ABCD2: variants seen among roughly 807,000 people sequenced by gnomAD.
The protein encoded by ABCD2 is ATP binding cassette subfamily D member 2, also known as ATP-binding cassette sub-family D member 2.
In ABCD2, 36 loss-of-function variants were observed where a neutral mutation model predicts 70.9. That is an observed-to-expected ratio of 0.51 (90% CI 0.39 to 0.67). The LOEUF is 0.67. ABCD2 is among the 30% of genes least tolerant of loss of function. ABCD2 has a pLI of 0.00. For missense variants in ABCD2, 729 were observed against 890.2 expected (o/e 0.82, Z 2.30); for synonymous variants, 304 against 306.9 (o/e 0.99, Z 0.10).
chr12:39,576,619 C>A (rs1941521535), intron 8 of ABCD2, among the ~76,000 whole-genome samples: 1 of 152,108 alleles, frequency 6.6e-6, no homozygotes. Flanking sequence ...GTTATGAACA[C>A]AACTAATAAT....
chr12:39,617,782 G>T (rs974376718), intron 1 of ABCD2, among the ~76,000 whole-genome samples: 4 of 152,068 alleles, frequency 2.6e-5, no homozygotes, highest in South Asian at 2.1e-4. Context: ...AAATAATTCT[G>T]CTTGGTGATT....
intron 9 of ABCD2, among the ~76,000 whole-genome samples, chr12:39,556,452 A>T (rs913496613): frequency 1.3e-5 from 2 of 151,970 alleles, no homozygotes; most frequent in Admixed American, 1.3e-4. Flanking sequence ...GTGGTTTTAT[A>T]AGTGTTTGGT....
intron 9 of ABCD2, among the ~76,000 whole-genome samples, chr12:39,560,904 C>T (rs376941508): frequency 5.3e-5 from 8 of 151,690 alleles, no homozygotes; most frequent in Middle Eastern, 3.4e-3. Flanking sequence ...CTGTAGTAGA[C>T]GCACTAAAAA....
At chr12:39,585,642 C>T (rs7968185) in intron 7 of ABCD2, among the ~76,000 whole-genome samples, 6,539 of 152,066 alleles carry the variant, frequency 0.043, 183 homozygotes, top group African/African-American at 0.079. Flanking sequence ...GTTATTTATA[C>T]TCTTTCAAAA....
chr12:39,569,821 C>A (rs1941421434), intron 9 of ABCD2, among the ~76,000 whole-genome samples: 2 of 152,124 alleles, frequency 1.3e-5, no homozygotes, highest in Non-Finnish European at 2.9e-5. Flanking sequence ...TTATGTACCA[C>A]ATTTATATAT....
chr12:39,581,644 T>C (rs1311466606), intron 7 of ABCD2, among the ~76,000 whole-genome samples: 1 of 152,132 alleles, frequency 6.6e-6, no homozygotes, highest in Non-Finnish European at 1.5e-5. Flanking sequence ...AGTGGAGAAA[T>C]ATTCTGGGCT....
chr12:39,618,785 T>C lies in ABCD2; in HGVS notation c.831A>G (p.Lys277=). 1 of 1,614,220 alleles carries C rather than the reference T, an allele frequency of 6.2e-7. No homozygotes were observed. Among genetic ancestry groups the C allele is most frequent in the Non-Finnish European group, 8.5e-7 (1 of 1,180,036 alleles). ...CTTCCTCTGCCACCAGTTTGCCAAA[T>C]TTGGGAGAACAGGCTTTTAACACTT... ...TAKVLKACSP[K]FGKLVAEEAH... is the part of the protein sequence containing the mutation. The change falls in exon 1 of 10, where the codon AAA becomes AAG. Residue 277 remains lysine (K), a synonymous_variant. Transcript: ENST00000308666.
intron 9 of ABCD2, among the ~76,000 whole-genome samples, chr12:39,554,626 A>T (rs1238234584): frequency 3.3e-5 from 5 of 152,228 alleles, no homozygotes; most frequent in South Asian, 2.1e-4. Context: ...AAAACATTTT[A>T]AAAAACAACT....
chr12:39,561,391 CAAAA>C (rs529908093), intron 9 of ABCD2, among the ~76,000 whole-genome samples: 6 of 74,450 alleles, frequency 8.1e-5, no homozygotes, highest in East Asian at 4.4e-4. Flanking sequence ...GACTCTGTCT[CAAAA>C]AAAAAAAAAA....
chr12:39,579,888 C>A (rs918599360), intron 7 of ABCD2, among the ~76,000 whole-genome samples: 3 of 151,942 alleles, frequency 2.0e-5, no homozygotes, highest in Admixed American at 1.3e-4. Flanking sequence ...GTGTTTGTTT[C>A]TCAGTGTCTC....
intron 8 of ABCD2, among the ~76,000 whole-genome samples, chr12:39,577,764 A>AC (rs1941539134): frequency 6.6e-6 from 1 of 152,218 alleles, no homozygotes; most frequent in South Asian, 2.1e-4. Context: ...TTCTCAAAGT[A>AC]TTTAGGGAAA....
rs996599440 is a variant in ABCD2, at chr12:39,613,222, T to C, written c.1120+3766A>G. 3.2e-5 allele frequency among the ~76,000 whole-genome samples: 4 copies of C among 123,744 alleles called. 1 individual carries two copies. Among genetic ancestry groups the C allele is most frequent in the Non-Finnish European group, 6.5e-5 (4 of 61,886 alleles). 81.2% of individuals were successfully genotyped at this position (123,744 alleles called of 152,430 possible). A position where few individuals can be genotyped will look rare whatever the true frequency, so the allele number is the denominator to read the frequency against. On this transcript the variant is annotated intron_variant, in intron 2 of 9. Transcript: ENST00000308666. ...TAAAACGGTGAAACCCCGTCTCTAC[T>C]AAAAATACAAAAAATTAGCCGGGCG...
chr12:39,570,681 A>G (rs1475233468), intron 9 of ABCD2, among the ~76,000 whole-genome samples: 1 of 152,172 alleles, frequency 6.6e-6, no homozygotes, highest in Admixed American at 6.5e-5. Flanking sequence ...TTGAAATGAC[A>G]ATGAAATTTG....
chr12:39,563,489 A>G (rs752170241), intron 9 of ABCD2, among the ~76,000 whole-genome samples: 6 of 152,196 alleles, frequency 3.9e-5, no homozygotes, highest in Non-Finnish European at 8.8e-5. Flanking sequence ...TCAGTGTACT[A>G]CTGAAAGTCC....
At chr12:39,578,265 G>C (rs919517601) in intron 8 of ABCD2, among the ~76,000 whole-genome samples, 1 of 152,088 alleles carries the variant, frequency 6.6e-6, no homozygotes, top group African/African-American at 2.4e-5. Context: ...ACGAGGTCAG[G>C]AGATCGAGAC....
At chr12:39,542,962 C>T in the ABCD2 span, among the ~76,000 whole-genome samples, 2 of 152,064 alleles carry the variant, frequency 1.3e-5, no homozygotes, top group African/African-American at 4.8e-5. Context: ...ATGGTGCTGA[C>T]AAATCTTTTG....
chr12:39,613,181 T>C lies in ABCD2; in HGVS notation c.1120+3807A>G, dbSNP rs557393501. On this transcript the variant is annotated intron_variant, in intron 2 of 9. Transcript: ENST00000308666. Reference sequence around the variant, plus strand: ...GCGGGCGGATCACGAGGTCAGGAGATCGAGACCATCCCGGCTAAAACGGTG... The same window carrying C: ...GCGGGCGGATCACGAGGTCAGGAGACCGAGACCATCCCGGCTAAAACGGTG... 1.3e-4 allele frequency among the ~76,000 whole-genome samples: 17 copies of C among 133,622 alleles called. 4 individuals are homozygous for C. In the South Asian group the frequency reaches 3.2e-3, roughly 25 times the overall value. The allele number at this position is 133,622 out of a possible 152,430, so 87.7% of individuals were successfully genotyped here. A position where few individuals can be genotyped will look rare whatever the true frequency, so the allele number is the denominator to read the frequency against.
chr12:39,609,224 A>C (rs1217178297), intron 2 of ABCD2, among the ~76,000 whole-genome samples: 2 of 152,280 alleles, frequency 1.3e-5, no homozygotes, highest in Admixed American at 6.5e-5. Context: ...CTGTCAATGG[A>C]GAATTATGGT....
At chr12:39,565,131 T>C (rs1941324928) in intron 9 of ABCD2, among the ~76,000 whole-genome samples, 1 of 152,216 alleles carries the variant, frequency 6.6e-6, no homozygotes. Flanking sequence ...TGGTTCCATA[T>C]GAACTTTAAA....
Sources: allele counts gnomAD v4.1 joint callset (sites outside exome capture counted in the v4.1 genomes callset), GRCh38; gene constraint gnomAD v4.1.1; transcripts MANE v1.5; gene names NCBI Gene and HGNC (gene_info 2026-07-23, HGNC 2026-07-21).